FAF1: variants seen among roughly 807,000 people sequenced by gnomAD.
The protein encoded by FAF1 is FAS-associated factor 1.
A neutral mutation model predicts 92.5 loss-of-function variants in FAF1; 25 were observed. The ratio of observed to expected loss-of-function variants is 0.27; its 90% CI spans 0.20 to 0.38. FAF1 has a LOEUF of 0.38. FAF1 is among the 10% of genes least tolerant of loss of function. FAF1 has a pLI of 1.00. For missense variants in FAF1, 636 were observed against 793.3 expected (o/e 0.80, Z 2.38); for synonymous variants, 234 against 273.2 (o/e 0.86, Z 1.42).
intron 17 of FAF1, among the ~76,000 whole-genome samples, chr1:50,478,886 C>T (rs1345679378): frequency 6.6e-6 from 1 of 152,058 alleles, no homozygotes; most frequent in Non-Finnish European, 1.5e-5. Context: ...TAAAGTATAA[C>T]ATACATATGA....
At chr1:50,880,314 G>C (rs1328015621) in intron 1 of FAF1, among the ~76,000 whole-genome samples, 1 of 152,302 alleles carries the variant, frequency 6.6e-6, no homozygotes, top group East Asian at 1.9e-4. Flanking sequence ...AGTGGGGGTA[G>C]AGTGAGAGGA....
At chr1:50,880,727 G>A (rs1049363939) in intron 1 of FAF1, among the ~76,000 whole-genome samples, 6 of 152,140 alleles carry the variant, frequency 3.9e-5, no homozygotes, top group East Asian at 3.8e-4. Flanking sequence ...ATATTGTTAC[G>A]GCCACCTGAG....
At chr1:50,892,961 A>C (rs1032720030) in intron 1 of FAF1, among the ~76,000 whole-genome samples, 11 of 152,148 alleles carry the variant, frequency 7.2e-5, no homozygotes, top group African/African-American at 2.7e-4. Flanking sequence ...CTGTCTGATC[A>C]ATTCTGCTAC....
At chr1:50,775,624 C>T (rs976030159) in intron 4 of FAF1, among the ~76,000 whole-genome samples, 5 of 151,724 alleles carry the variant, frequency 3.3e-5, no homozygotes, top group Non-Finnish European at 5.9e-5. Context: ...TGAGGAGATG[C>T]GTGTTTTAGA....
At chr1:50,797,049 T>A in intron 3 of FAF1, among the ~76,000 whole-genome samples, 1 of 151,896 alleles carries the variant, frequency 6.6e-6, no homozygotes, top group Admixed American at 6.6e-5. Context: ...TGTGGGAGGA[T>A]CAATTGAGTC....
At chr1:50,758,361 C>A (rs1434044937) in intron 4 of FAF1, among the ~76,000 whole-genome samples, 1 of 152,186 alleles carries the variant, frequency 6.6e-6, no homozygotes, top group African/African-American at 2.4e-5. Flanking sequence ...GCACAACATA[C>A]ATTTTTAACT....
intron 12 of FAF1, among the ~76,000 whole-genome samples, chr1:50,573,820 A>AC (rs893251567): frequency 1.1e-4 from 15 of 138,752 alleles, no homozygotes; most frequent in African/African-American, 4.6e-4. Flanking sequence ...TTAAAAACAA[A>AC]AAAAAAAAAA....
intron 3 of FAF1, among the ~76,000 whole-genome samples, chr1:50,792,952 A>G (rs1417921540): frequency 6.6e-6 from 1 of 152,246 alleles, no homozygotes; most frequent in Non-Finnish European, 1.5e-5. Context: ...AGAGACCTTT[A>G]GAAGTACTTA....
intron 4 of FAF1, among the ~76,000 whole-genome samples, chr1:50,750,461 C>G (rs1224794451): frequency 2.6e-5 from 4 of 152,048 alleles, no homozygotes; most frequent in Non-Finnish European, 5.9e-5. Flanking sequence ...ACCATACAAT[C>G]AAGATAAGAA....
intron 17 of FAF1, among the ~76,000 whole-genome samples, chr1:50,485,133 T>TA (rs1451404741): frequency 1.1e-3 from 172 of 151,676 alleles, no homozygotes; most frequent in Non-Finnish European, 2.1e-3. Flanking sequence ...TTATTATTAT[T>TA]TTTTTTAAAT....
chr1:50,556,204 C>T (rs1300146061), intron 13 of FAF1, among the ~76,000 whole-genome samples: 1 of 138,812 alleles, frequency 7.2e-6, no homozygotes, highest in Non-Finnish European at 1.5e-5. Flanking sequence ...CGCCACTGCA[C>T]TCCAGCCTGG....
At chr1:50,758,491 C>T (rs1660175057) in intron 4 of FAF1, among the ~76,000 whole-genome samples, 1 of 152,200 alleles carries the variant, frequency 6.6e-6, no homozygotes, top group Non-Finnish European at 1.5e-5. Context: ...TTTACAAATG[C>T]TATAATACAT....
At chr1:50,466,861 G>A (rs1267901490) in intron 18 of FAF1, among the ~76,000 whole-genome samples, 1 of 152,146 alleles carries the variant, frequency 6.6e-6, no homozygotes, top group Non-Finnish European at 1.5e-5. Context: ...ACATGGCTTT[G>A]TGCTTTTCAA....
chr1:50,583,062 A>G lies in FAF1; in HGVS notation c.1032-363T>C, dbSNP rs1308879129. On this transcript the variant is annotated intron_variant, in intron 11 of 18. Coordinates refer to ENST00000396153, the MANE Select transcript of FAF1 (RefSeq NM_007051.3). This position sits in a 1 kb window ranked among gnomAD's most constrained non-coding sequence, Gnocchi z 4.2. The stretch of plus-strand genomic sequence containing the variant: ...TTTATTCCAGAATTCCAATAGAAGG[A>G]AAAAACTGTTTCTTTTAAAAGTCTC... Among the ~76,000 whole-genome samples, 4 of 152,018 alleles carry G rather than the reference A, an allele frequency of 2.6e-5. No homozygotes were observed. The highest frequency in any genetic ancestry group is 9.6e-5 in the African/African-American group (4 of 41,452).
At chr1:50,871,875 C>T (rs1644530530) in intron 1 of FAF1, among the ~76,000 whole-genome samples, 1 of 151,990 alleles carries the variant, frequency 6.6e-6, no homozygotes, top group South Asian at 2.1e-4. Flanking sequence ...ACCATCCTGG[C>T]TAACACGGTG....
chr1:50,489,868 G>A (rs1646809840), intron 17 of FAF1, among the ~76,000 whole-genome samples: 1 of 150,010 alleles, frequency 6.7e-6, no homozygotes, highest in African/African-American at 2.5e-5. Flanking sequence ...GAAACAATAT[G>A]CAGGAAGGAT....
At chr1:50,933,269 T>G (rs1027858444) in intron 1 of FAF1, among the ~76,000 whole-genome samples, 4 of 152,228 alleles carry the variant, frequency 2.6e-5, no homozygotes, top group African/African-American at 4.8e-5. Flanking sequence ...TTTTGTCCTT[T>G]TAAAATGGAG....
At chr1:50,516,163 G>A (rs188835230) in intron 15 of FAF1, among the ~76,000 whole-genome samples, 115 of 152,198 alleles carry the variant, frequency 7.6e-4, no homozygotes, top group Non-Finnish European at 7.9e-4. Flanking sequence ...TTGAATTCAG[G>A]CAATATAGCA....
intron 4 of FAF1, among the ~76,000 whole-genome samples, chr1:50,763,986 T>C (rs74904376): frequency 1.1e-4 from 17 of 152,244 alleles, no homozygotes; most frequent in African/African-American, 4.1e-4. Flanking sequence ...CTTTATATAC[T>C]TCAACAGAAG....
Sources: allele counts gnomAD v4.1 joint callset (sites outside exome capture counted in the v4.1 genomes callset), GRCh38; gene constraint gnomAD v4.1.1; non-coding constraint Gnocchi (gnomAD v3.1); transcripts MANE v1.5; gene names NCBI Gene and HGNC (gene_info 2026-07-23, HGNC 2026-07-21).